The following RELL1 variants were observed in gnomAD, a reference collection of about 807,000 sequenced individuals.
The protein encoded by RELL1 is RELT-like protein 1.
Under a neutral mutation model 23.0 loss-of-function variants are expected in RELL1, and 10 were observed. The observed-to-expected ratio is 0.43, with a 90% confidence interval of 0.27 to 0.74. The LOEUF (loss-of-function observed/expected upper bound fraction) is 0.74. RELL1 is among the 30% of genes least tolerant of loss of function. The pLI is 0.19. For missense variants in RELL1, 315 were observed against 364.4 expected, an observed-to-expected ratio of 0.86 and a Z score of 1.10; for synonymous variants, 146 against 146.8, an observed-to-expected ratio of 0.99 and a Z score of 0.04.
downstream of RELL1, chr4:37,590,407 G>A: frequency 1.2e-6 from 2 of 1,613,648 alleles, no homozygotes; most frequent in Non-Finnish European, 1.7e-6. Context: ...CCCCACCCAG[G>A]ATGACAGGGG....
chr4:37,681,166 C>G (rs2109318400), intron 1 of RELL1, among the ~76,000 whole-genome samples: 1 of 152,290 alleles, frequency 6.6e-6, no homozygotes, highest in African/African-American at 2.4e-5. Context: ...AAACTCTAAT[C>G]TGAGGTGTCA....
At chr4:37,652,585 G>T (rs190929325) in intron 1 of RELL1, among the ~76,000 whole-genome samples, 11 of 152,260 alleles carry the variant, frequency 7.2e-5, no homozygotes, top group Middle Eastern at 6.8e-3. Flanking sequence ...TTTCAATCTG[G>T]GGGTGAAAAT....
chr4:37,596,381 A>G (rs1037818947), intron 6 of RELL1, among the ~76,000 whole-genome samples: 6 of 152,088 alleles, frequency 3.9e-5, no homozygotes, highest in African/African-American at 1.5e-4. Flanking sequence ...CCTGGCATCT[A>G]CATCGTTTTT....
rs1722414816 is a variant in RELL1, at chr4:37,686,340, A to G, written c.-53T>C. ...AGGGCGCCGCGTCCCGCGCTCGGGA[A>G]GGCAGAGCCGCTCCGGAGCCGGCGG... On this transcript the variant is annotated 5_prime_UTR_variant, in exon 1 of 7. Transcript: ENST00000454158. The G allele has an allele frequency of 2.2e-6, 3 of 1,362,172 alleles. No individual in the cohort carries two copies. Among genetic ancestry groups the G allele is most frequent in the Non-Finnish European group, 2.9e-6 (3 of 1,036,916 alleles). 84.4% of individuals were successfully genotyped at this position (1,362,172 alleles called of 1,614,324 possible).
At chr4:37,643,096 G>A (rs1378401942) in intron 3 of RELL1, among the ~76,000 whole-genome samples, 2 of 152,204 alleles carry the variant, frequency 1.3e-5, no homozygotes, top group Admixed American at 1.3e-4. Flanking sequence ...CAGAGCCCTG[G>A]CTTCCAACTG....
At chr4:37,618,299 C>A (rs964919755) in intron 6 of RELL1, among the ~76,000 whole-genome samples, 4 of 152,064 alleles carry the variant, frequency 2.6e-5, no homozygotes, top group African/African-American at 9.7e-5. Flanking sequence ...GAACCTCGAA[C>A]TCCTGGGCTT....
chr4:37,686,297 G>A lies in RELL1; in HGVS notation c.-10C>T, dbSNP rs1722411074. On this transcript the variant is annotated 5_prime_UTR_variant, in exon 1 of 7. Transcript: ENST00000454158. ...GTGCCCGCGGAGCCATCGCCGCGTC[G>A]CTTCGCCCTCCTCCCCCAGGGCGCC... 6.6e-7 allele frequency: 1 copy of A among 1,504,132 alleles called. No individual in the cohort carries two copies. Among genetic ancestry groups the A allele is most frequent in the South Asian group, 1.2e-5 (1 of 80,640 alleles). The allele number at this position is 1,504,132 out of a possible 1,614,324, so 93.2% of individuals were successfully genotyped here. A position where few individuals can be genotyped will look rare whatever the true frequency, so the allele number is the denominator to read the frequency against.
chr4:37,597,570 A>G (rs1718896119), intron 6 of RELL1, among the ~76,000 whole-genome samples: 1 of 152,210 alleles, frequency 6.6e-6, no homozygotes, highest in South Asian at 2.1e-4. Context: ...CAGGCCACAG[A>G]AGGTCCATAG....
chr4:37,649,702 C>G (rs1185403489), intron 1 of RELL1, among the ~76,000 whole-genome samples: 1 of 152,262 alleles, frequency 6.6e-6, no homozygotes, highest in African/African-American at 2.4e-5. Context: ...ACTCATGAAC[C>G]AGGTCCCATG....
At chr4:37,621,578 T>C (rs1373940983) in intron 6 of RELL1, among the ~76,000 whole-genome samples, 1 of 152,226 alleles carries the variant, frequency 6.6e-6, no homozygotes, top group African/African-American at 2.4e-5. Flanking sequence ...CCTTTCATTT[T>C]CCGCTTCCCT....
chr4:37,620,422 G>A (rs1719726843), intron 6 of RELL1, among the ~76,000 whole-genome samples: 1 of 152,176 alleles, frequency 6.6e-6, no homozygotes, highest in Admixed American at 6.5e-5. Flanking sequence ...TGAGATGGTA[G>A]AATCAGAGCA....
intron 1 of RELL1, among the ~76,000 whole-genome samples, chr4:37,664,884 C>T (rs1222772537): frequency 6.6e-6 from 1 of 152,100 alleles, no homozygotes; most frequent in Non-Finnish European, 1.5e-5. Flanking sequence ...CAACAGCGCA[C>T]CACTCAGACA....
chr4:37,631,513 T>C lies in RELL1; in HGVS notation c.691A>G (p.Thr231Ala), dbSNP rs1720131526. The C allele has an allele frequency of 6.2e-7, 1 of 1,613,918 alleles. No individual in the cohort carries two copies. The highest frequency in any genetic ancestry group is 1.3e-5 in the African/African-American group (1 of 74,912). The change falls in exon 6 of 7, where the codon ACA (threonine) becomes GCA (alanine). Residue 231 changes from threonine to alanine, a missense_variant. Physicochemically the swap from Thr to Ala is moderately conservative, Grantham distance 58. Transcript: ENST00000454158. ...TGGTTTGACTTGTGCTCCACTTTTG[T>C]AACTCTAAATCTGAGGGGGGAATGG... ...TVLSVGRFRV[T>A]KVEHKSNQKE...
intron 6 of RELL1, among the ~76,000 whole-genome samples, chr4:37,621,190 C>A (rs1719749016): frequency 6.6e-6 from 1 of 152,188 alleles, no homozygotes; most frequent in Non-Finnish European, 1.5e-5. Flanking sequence ...GGCGCGGTGG[C>A]TTACGCCTGT....
chr4:37,593,820 C>T (rs920140647), intron 6 of RELL1, among the ~76,000 whole-genome samples: 1 of 152,182 alleles, frequency 6.6e-6, no homozygotes, highest in Non-Finnish European at 1.5e-5. Context: ...ACCAAAGGGG[C>T]TTCCACCTTT....
At chr4:37,624,107 G>C (rs1014273166) in intron 6 of RELL1, among the ~76,000 whole-genome samples, 1 of 152,296 alleles carries the variant, frequency 6.6e-6, no homozygotes, top group Middle Eastern at 3.4e-3. Flanking sequence ...GAGCCAAGGA[G>C]CCTTTCCTCA....
intron 1 of RELL1, among the ~76,000 whole-genome samples, chr4:37,662,017 C>T (rs1463762336): frequency 6.6e-6 from 1 of 152,128 alleles, no homozygotes; most frequent in African/African-American, 2.4e-5. Context: ...AAACCCCACC[C>T]AACGCCAGCT....
intron 3 of RELL1, among the ~76,000 whole-genome samples, chr4:37,642,392 T>C (rs1209462406): frequency 2.6e-5 from 4 of 152,150 alleles, no homozygotes; most frequent in African/African-American, 7.2e-5. Flanking sequence ...CAAACATCCA[T>C]ACAATGCAAG....
intron 6 of RELL1, among the ~76,000 whole-genome samples, chr4:37,616,990 T>A (rs922371052): frequency 2.6e-5 from 4 of 152,252 alleles, no homozygotes; most frequent in Non-Finnish European, 4.4e-5. Flanking sequence ...TAAATCTTGC[T>A]CTGGTCTAAA....
Sources: allele counts gnomAD v4.1 joint callset (sites outside exome capture counted in the v4.1 genomes callset), GRCh38; gene constraint gnomAD v4.1.1; transcripts MANE v1.5; gene names NCBI Gene and HGNC (gene_info 2026-07-23, HGNC 2026-07-21).